KCNE1: variants seen among roughly 807,000 people sequenced by gnomAD.
KCNE1 encodes potassium voltage-gated channel subfamily E regulatory subunit 1, also known as potassium voltage-gated channel subfamily E member 1.
A neutral mutation model predicts 2.9 loss-of-function variants in KCNE1; 1 was observed. The observed-to-expected ratio is 0.34, with a 90% CI of 0.12 to 1.62. KCNE1 has a LOEUF of 1.62. KCNE1 is among the 40% of genes most tolerant of loss of function. The pLI is 0.36. For missense variants in KCNE1, 45 were observed against 150.5 expected (o/e 0.30, Z 3.67); for synonymous variants, 23 against 65.4 (o/e 0.35, Z 3.13).
At chr21:34,507,434 C>T (rs1249724774) in intron 2 of KCNE1, among the ~76,000 whole-genome samples, 3 of 152,176 alleles carry the variant, frequency 2.0e-5, no homozygotes, top group Non-Finnish European at 4.4e-5. Context: ...AACTGGATAA[C>T]ACACAAGGAT....
At chr21:34,508,510 T>G (rs1290609575) in intron 2 of KCNE1, among the ~76,000 whole-genome samples, 1 of 152,126 alleles carries the variant, frequency 6.6e-6, no homozygotes, top group Non-Finnish European at 1.5e-5. Context: ...ACTCGGCTAA[T>G]TTTTGTATTT....
chr21:34,501,228 C>T (rs1056617925), intron 2 of KCNE1, among the ~76,000 whole-genome samples: 4 of 152,332 alleles, frequency 2.6e-5, no homozygotes, highest in African/African-American at 9.6e-5. Context: ...GTACATTTTA[C>T]AGCAGAGAGT....
At chr21:34,507,709 T>C (rs73207020) in intron 2 of KCNE1, among the ~76,000 whole-genome samples, 14 of 152,324 alleles carry the variant, frequency 9.2e-5, no homozygotes, top group South Asian at 2.1e-4. Flanking sequence ...AACGGTCCCC[T>C]GCATTATAAG....
intron 2 of KCNE1, among the ~76,000 whole-genome samples, chr21:34,503,730 G>C (rs1366096540): frequency 6.6e-6 from 1 of 152,196 alleles, no homozygotes; most frequent in Admixed American, 6.5e-5. Context: ...CAATATTATA[G>C]CTGCCATCAG....
chr21:34,508,336 AT>A (rs1983629621), intron 2 of KCNE1, among the ~76,000 whole-genome samples: 1 of 149,626 alleles, frequency 6.7e-6, no homozygotes, highest in Non-Finnish European at 1.5e-5. Context: ...TGGGTTTTAT[AT>A]TTTATTTTAT....
chr21:34,505,547 C>CA (rs1231686541), intron 2 of KCNE1, among the ~76,000 whole-genome samples: 1 of 151,992 alleles, frequency 6.6e-6, no homozygotes, highest in Non-Finnish European at 1.5e-5. Flanking sequence ...AGGCAGGGAT[C>CA]AATGGGCATC....
At position 34,511,240 on chromosome 21, in the gene KCNE1, T is replaced by A; in HGVS notation, c.-301A>T. 1.0e-6 allele frequency: 1 copy of A among 985,564 alleles called. No individual in the cohort carries two copies. Among genetic ancestry groups the A allele is most frequent in the Non-Finnish European group, 1.2e-6 (1 of 830,056 alleles). 61.1% of individuals were successfully genotyped at this position (985,564 alleles called of 1,614,324 possible). On this transcript the variant is annotated 5_prime_UTR_variant, in exon 2 of 4. Coordinates refer to ENST00000399286, the MANE Select transcript of KCNE1 (RefSeq NM_000219.6). ...CTGGTCTCTTCCTCCTGAGCACGGT[T>A]CTCCTGGTTGAGCTCCAGGCCATGC...
At chr21:34,510,100 C>T (rs1316076803) in intron 2 of KCNE1, 3 of 152,272 alleles carry the variant, frequency 2.0e-5, no homozygotes, top group African/African-American at 7.2e-5. Context: ...GTTGTCCTGC[C>T]CACACTCAAG....
At chr21:34,507,238 G>C (rs41315469) in intron 2 of KCNE1, among the ~76,000 whole-genome samples, 1 of 152,126 alleles carries the variant, frequency 6.6e-6, no homozygotes, top group Non-Finnish European at 1.5e-5. Flanking sequence ...GAGTATGAGA[G>C]TATTTCCTAA....
chr21:34,499,734 G>C (rs1357030389), intron 2 of KCNE1, among the ~76,000 whole-genome samples: 1 of 152,200 alleles, frequency 6.6e-6, no homozygotes, highest in East Asian at 1.9e-4. Context: ...TTGGAGGCAG[G>C]TTTTCTCCCT....
chr21:34,497,002 A>T (rs1333881630), intron 2 of KCNE1, among the ~76,000 whole-genome samples: 1 of 152,078 alleles, frequency 6.6e-6, no homozygotes, highest in African/African-American at 2.4e-5. Context: ...TTTGGTGTCC[A>T]TTTGCATGGA....
At chr21:34,504,117 C>T (rs367730934) in intron 2 of KCNE1, among the ~76,000 whole-genome samples, 42 of 152,344 alleles carry the variant, frequency 2.8e-4, no homozygotes, top group African/African-American at 1.0e-3. Context: ...CCCTAGGCCC[C>T]ACATCAATGG....
chr21:34,504,284 C>T (rs1342366265), intron 2 of KCNE1, among the ~76,000 whole-genome samples: 1 of 152,172 alleles, frequency 6.6e-6, no homozygotes, highest in Non-Finnish European at 1.5e-5. Flanking sequence ...GACCCTTCCT[C>T]TCAAACCAAA....
intron 2 of KCNE1, among the ~76,000 whole-genome samples, chr21:34,501,549 A>G (rs1042000526): frequency 1.3e-5 from 2 of 152,168 alleles, no homozygotes; most frequent in African/African-American, 4.8e-5. Context: ...TATCATCCCT[A>G]TTGGTTTTAG....
chr21:34,507,276 G>T (rs1349382724), intron 2 of KCNE1, among the ~76,000 whole-genome samples: 1 of 152,170 alleles, frequency 6.6e-6, no homozygotes, highest in African/African-American at 2.4e-5. Context: ...GCCAGGACTT[G>T]AGAGTGGCTG....
At chr21:34,509,957 C>T (rs1444326141) in intron 2 of KCNE1, 1 of 152,220 alleles carries the variant, frequency 6.6e-6, no homozygotes, top group Non-Finnish European at 1.5e-5. Context: ...AATCATCCTT[C>T]TTGATAAACT....
chr21:34,504,303 C>T (rs1983345260), intron 2 of KCNE1, among the ~76,000 whole-genome samples: 1 of 152,124 alleles, frequency 6.6e-6, no homozygotes, highest in Non-Finnish European at 1.5e-5. Context: ...AACCTAATAG[C>T]CAATAAGTAC....
intron 2 of KCNE1, among the ~76,000 whole-genome samples, chr21:34,496,577 A>C (rs1000545032): frequency 6.6e-6 from 1 of 152,184 alleles, no homozygotes; most frequent in Non-Finnish European, 1.5e-5. Flanking sequence ...TTTGTGGCCT[A>C]TCATATGGTC....
chr21:34,499,565 C>T (rs533226897), intron 2 of KCNE1, among the ~76,000 whole-genome samples: 6 of 152,194 alleles, frequency 3.9e-5, no homozygotes, highest in African/African-American at 9.7e-5. Flanking sequence ...ATGGCTTCCC[C>T]GGGCTAAAGC....
Sources: allele counts gnomAD v4.1 joint callset (sites outside exome capture counted in the v4.1 genomes callset), GRCh38; gene constraint gnomAD v4.1.1; transcripts MANE v1.5; gene names NCBI Gene and HGNC (gene_info 2026-07-23, HGNC 2026-07-21).